PLCE1: variants seen among roughly 807,000 people sequenced by gnomAD.
PLCE1 encodes 1-phosphatidylinositol 4,5-bisphosphate phosphodiesterase epsilon-1.
Under a neutral mutation model 242.8 loss-of-function variants are expected in PLCE1, and 119 were observed. That is an observed-to-expected ratio of 0.49 (90% confidence interval 0.42 to 0.57). The LOEUF is 0.57. Ranked by LOEUF, PLCE1 falls within the 20% of genes least tolerant of loss-of-function variation. PLCE1 has a pLI of 0.00. For missense variants in PLCE1, 2,441 were observed against 2,788.8 expected, an observed-to-expected ratio of 0.88 and a Z score of 2.81; for synonymous variants, 945 against 1,017.4, an observed-to-expected ratio of 0.93 and a Z score of 1.35.
chr10:94,132,171 C>T lies in PLCE1; in HGVS notation c.1207-3C>T, dbSNP rs2046616662. The T allele has an allele frequency of 6.2e-7, 1 of 1,613,422 alleles. No individual in the cohort carries two copies. Among genetic ancestry groups the T allele is most frequent in the Non-Finnish European group, 8.5e-7 (1 of 1,179,500 alleles). Reference sequence around the variant, plus strand: ...TACTTCCTGTACTTTGTGCTATTCACAGATCTACAATGCAGTGAGAAGAGA... The same window carrying T: ...TACTTCCTGTACTTTGTGCTATTCATAGATCTACAATGCAGTGAGAAGAGA... On this transcript the variant is annotated splice_region_variant and splice_polypyrimidine_tract_variant and intron_variant, in intron 2 of 32. Coordinates refer to ENST00000371380, the MANE Select transcript of PLCE1 (RefSeq NM_016341.4).
At chr10:94,155,273 C>T (rs1300953284) in intron 3 of PLCE1, among the ~76,000 whole-genome samples, 1 of 152,084 alleles carries the variant, frequency 6.6e-6, no homozygotes, top group South Asian at 2.1e-4. Flanking sequence ...GTGGTATATA[C>T]ATACAATGGA....
chr10:94,273,449 C>G, intron 18 of PLCE1, 113 bp from the exon 19 acceptor site: 1 of 1,075,758 alleles, frequency 9.3e-7, no homozygotes, highest in Non-Finnish European at 1.4e-6. Context: ...CTTCCTAAGA[C>G]TTTTTAAATA....
At chr10:93,994,392 G>T (rs539620639) in intron 1 of PLCE1, among the ~76,000 whole-genome samples, 134 bp downstream of exon 1, 1 of 152,240 alleles carries the variant, frequency 6.6e-6, no homozygotes, top group Admixed American at 6.5e-5. Context: ...GTGTCCTCGC[G>T]CTCCCGGGGG....
rs1237624507 is a variant in PLCE1 at position 94,234,127 on chromosome 10, G to A, written c.2029G>A (p.Ala677Thr). 9.9e-6 allele frequency: 16 copies of A among 1,613,994 alleles called. No homozygotes were observed. The highest frequency in any genetic ancestry group is 3.3e-5 in the Admixed American group (2 of 60,030). Reference protein sequence around the residue: ...DIETMRSLKDAMAQHESSCEY... With the variant: ...DIETMRSLKDTMAQHESSCEY... ...TGAGACCATGAGGAGCCTGAAGGAT[G>A]CTATGGCCCAGCATGAGTCCTCTTG... The change falls in exon 6 of 33, where the codon GCT (alanine) becomes ACT (threonine). Residue 677 changes from alanine to threonine, a missense_variant. Around this residue, in one of 5 missense-constraint regions of PLCE1, gnomAD observed 733 missense variants for 754.2 expected, o/e 0.97. Coordinates refer to ENST00000371380, the MANE Select transcript of PLCE1 (RefSeq NM_016341.4).
At chr10:94,245,722 A>G (rs1274128892) in intron 7 of PLCE1, among the ~76,000 whole-genome samples, 1 of 152,194 alleles carries the variant, frequency 6.6e-6, no homozygotes, top group Non-Finnish European at 1.5e-5. Flanking sequence ...ACTGGACTCA[A>G]GTGGTCCACC....
At chr10:94,053,151 G>T (rs747859585) in intron 2 of PLCE1, among the ~76,000 whole-genome samples, 1 of 152,134 alleles carries the variant, frequency 6.6e-6, no homozygotes, top group Admixed American at 6.5e-5. Context: ...AAGGAGTCCC[G>T]GCTCCACCGT....
intron 19 of PLCE1, among the ~76,000 whole-genome samples, chr10:94,278,421 A>G (rs2052044717): frequency 6.6e-6 from 1 of 152,254 alleles, no homozygotes; most frequent in Admixed American, 6.5e-5. Context: ...CTTTTTCATT[A>G]TACTTCACAG....
intron 2 of PLCE1, chr10:94,099,632 C>T (rs1447448786): frequency 6.6e-6 from 1 of 152,188 alleles, no homozygotes; most frequent in African/African-American, 2.4e-5. Context: ...CAACAGATAA[C>T]AAATGCTCAA....
At chr10:94,190,479 G>A (rs981078171) in intron 4 of PLCE1, among the ~76,000 whole-genome samples, 5 of 152,074 alleles carry the variant, frequency 3.3e-5, no homozygotes, top group South Asian at 2.1e-4. Context: ...TGTGGCACAC[G>A]CCTGTAGTAC....
At chr10:94,007,779 A>G (rs946224549) in intron 1 of PLCE1, among the ~76,000 whole-genome samples, 16 of 132,362 alleles carry the variant, frequency 1.2e-4, no homozygotes, top group African/African-American at 4.4e-4. Flanking sequence ...TTACATAGTT[A>G]CACACATGCA....
At chr10:94,251,126 A>G (rs2050859607) in intron 8 of PLCE1, among the ~76,000 whole-genome samples, 1 of 152,202 alleles carries the variant, frequency 6.6e-6, no homozygotes, top group African/African-American at 2.4e-5. Flanking sequence ...TATCCAGTGG[A>G]GAATAGACAG....
intron 2 of PLCE1, among the ~76,000 whole-genome samples, chr10:94,126,807 T>C (rs552392808): frequency 6.6e-6 from 1 of 152,168 alleles, no homozygotes; most frequent in East Asian, 1.9e-4. Context: ...TCAAAAGGAA[T>C]TGAGAATGGC....
At chr10:94,324,813 C>A in intron 31 of PLCE1, 79 bp from the exon 32 acceptor site, 1 of 1,378,342 alleles carries the variant, frequency 7.3e-7, no homozygotes, top group African/African-American at 1.4e-5. Flanking sequence ...AAGAGGAAAG[C>A]GCTCTTCTGA....
intron 3 of PLCE1, among the ~76,000 whole-genome samples, chr10:94,136,793 C>A (rs2046789500): frequency 6.6e-6 from 1 of 152,198 alleles, no homozygotes; most frequent in African/African-American, 2.4e-5. Flanking sequence ...TTATGTGAAG[C>A]ATTGATCCAC....
intron 4 of PLCE1, among the ~76,000 whole-genome samples, chr10:94,188,883 G>T (rs980875710): frequency 6.6e-6 from 1 of 151,880 alleles, no homozygotes; most frequent in African/African-American, 2.4e-5. Flanking sequence ...AGGATTACAG[G>T]CATGAGCCAC....
chr10:94,075,230 T>C (rs1357377434), intron 2 of PLCE1, among the ~76,000 whole-genome samples: 1 of 152,244 alleles, frequency 6.6e-6, no homozygotes, highest in Non-Finnish European at 1.5e-5. Context: ...GATGTGCCCA[T>C]GTCCCCAGCT....
intron 4 of PLCE1, among the ~76,000 whole-genome samples, chr10:94,192,621 A>G (rs2136631921): frequency 6.6e-6 from 1 of 152,258 alleles, no homozygotes; most frequent in African/African-American, 2.4e-5. Context: ...TCCTATTGTA[A>G]ATAGTGCTGC....
At chr10:94,017,548 C>T (rs923491732) in intron 1 of PLCE1, among the ~76,000 whole-genome samples, 4 of 152,104 alleles carry the variant, frequency 2.6e-5, no homozygotes, top group African/African-American at 9.7e-5. Flanking sequence ...CATTGATGGG[C>T]ATCCATGAGA....
chr10:94,044,579 G>A (rs1032151987), intron 2 of PLCE1, among the ~76,000 whole-genome samples: 9 of 152,236 alleles, frequency 5.9e-5, no homozygotes, highest in African/African-American at 1.7e-4. Flanking sequence ...GCTCTCTTCA[G>A]TGTTGATGGA....
Sources: gnomAD v4.1 joint callset for allele counts (sites outside exome capture counted in the v4.1 genomes callset) on GRCh38, gnomAD v4.1.1 for gene constraint, gnomAD v4.1.1 regional missense constraint, MANE v1.5 for transcripts, NCBI Gene and HGNC (gene_info 2026-07-23, HGNC 2026-07-21) for gene names.